Variants in EPHA5 observed in about 807,000 individuals in gnomAD.
EPHA5 encodes ephrin type-A receptor 5.
EPHA5 carries 60 observed loss-of-function variants against 105.0 expected under a neutral mutation model. The observed-to-expected ratio is 0.57, with a 90% CI of 0.46 to 0.71. EPHA5 has a LOEUF of 0.71. Among genes scored for constraint, EPHA5 ranks in the 30% least tolerant of loss-of-function variants. The pLI, the probability that EPHA5 is intolerant of heterozygous loss-of-function variation, is 0.00. For missense variants in EPHA5, 1,218 were observed against 1,274.7 expected (o/e 0.96, Z 0.68); for synonymous variants, 513 against 449.1 (o/e 1.14, Z -1.80).
intron 3 of EPHA5, among the ~76,000 whole-genome samples, chr4:65,594,082 A>G (rs903187052): frequency 7.2e-5 from 11 of 152,180 alleles, no homozygotes; most frequent in African/African-American, 2.4e-4. Flanking sequence ...GTATCTGAAT[A>G]ACAAGAAAAT....
chr4:65,422,740 C>A (rs1724055995), intron 5 of EPHA5, among the ~76,000 whole-genome samples: 1 of 151,994 alleles, frequency 6.6e-6, no homozygotes, highest in African/African-American at 2.4e-5. Context: ...ATCCTTTAGG[C>A]TACTACAGTT....
intron 1 of EPHA5, among the ~76,000 whole-genome samples, chr4:65,663,162 T>C (rs927423021): frequency 4.6e-5 from 7 of 152,156 alleles, no homozygotes; most frequent in Admixed American, 4.6e-4. Context: ...TAGGACTTTT[T>C]AAACTGGGAT....
At chr4:65,351,694 G>A (rs1722835024) in intron 12 of EPHA5, 96 bp from the exon 13 acceptor site, 5 of 1,077,938 alleles carry the variant, frequency 4.6e-6, no homozygotes, top group Non-Finnish European at 2.7e-6. Flanking sequence ...GATACTATCA[G>A]TCGCTAAAAT....
At chr4:65,335,628 C>T (rs1265298963) in intron 15 of EPHA5, among the ~76,000 whole-genome samples, 1 of 148,556 alleles carries the variant, frequency 6.7e-6, no homozygotes, top group African/African-American at 2.4e-5. Context: ...CACCTATCCT[C>T]CAAAATGCAT....
chr4:65,440,140 T>A (rs1442991480), intron 5 of EPHA5, among the ~76,000 whole-genome samples: 2 of 152,078 alleles, frequency 1.3e-5, no homozygotes, highest in Non-Finnish European at 2.9e-5. Flanking sequence ...TGCCTTTTAA[T>A]AATATATTTG....
intron 2 of EPHA5, among the ~76,000 whole-genome samples, chr4:65,629,919 C>A (rs1017131784): frequency 1.3e-5 from 2 of 152,042 alleles, no homozygotes; most frequent in Admixed American, 6.6e-5. Flanking sequence ...TATAGGAGGG[C>A]AAATTTGGAA....
rs1226462886 is a variant in EPHA5, at chr4:65,546,512, G to C, written c.911-50969C>G. 3.3e-5 allele frequency among the ~76,000 whole-genome samples: 5 copies of C among 151,760 alleles called. No homozygotes were observed. In the East Asian group the frequency reaches 9.7e-4, roughly 29 times the overall value. On this transcript the variant is annotated intron_variant, in intron 3 of 16. Coordinates refer to ENST00000613740, the MANE Select transcript of EPHA5 (RefSeq NM_001281766.3). ...ACAACCTATTTTTCTAATGGTTCTT[G>C]TTTTTTTCTCAAATAGTTTTCTCTG...
chr4:65,449,225 T>A lies in EPHA5; in HGVS notation c.1403-28660A>T, dbSNP rs561420758. 3.3e-5 allele frequency among the ~76,000 whole-genome samples: 5 copies of A among 152,228 alleles called. No homozygotes were observed. In the South Asian group the frequency reaches 1.0e-3, roughly 32 times the overall value. On this transcript the variant is annotated intron_variant, in intron 5 of 16. Transcript: ENST00000613740. ...ATAAACTCAAATGCCCAAAATTATA[T>A]GAAAAGTTTAAAACCGTTTTTCAGA...
intron 3 of EPHA5, among the ~76,000 whole-genome samples, chr4:65,557,843 T>C (rs999525142): frequency 1.3e-5 from 2 of 152,022 alleles, no homozygotes; most frequent in African/African-American, 2.4e-5. Flanking sequence ...ACATTAATGA[T>C]TGGTCACTGA....
At position 65,365,689 on chromosome 4, in the gene EPHA5, A is replaced by ATGTATATATATATATATT. The variant is rs765636669; in HGVS notation, c.1987+242_1987+243insAATATATATATATATACA. 1.6e-4 allele frequency among the ~76,000 whole-genome samples: 15 copies of ATGTATATATATATATATT among 93,814 alleles called. 1 individual carries two copies. The highest frequency in any genetic ancestry group is 3.2e-4 in the Non-Finnish European group (13 of 41,168). The allele number at this position is 93,814 out of a possible 152,430, so 61.5% of individuals were successfully genotyped here. On this transcript the variant is annotated intron_variant, in intron 10 of 16. Coordinates refer to ENST00000613740, the MANE Select transcript of EPHA5 (RefSeq NM_001281766.3). ...TATATATATATATATATATATATATAGTGAAACATTATCTATTTAAAATAT... is the reference window on the plus strand; with the variant it reads ...TATATATATATATATATATATATATATGTATATATATATATATTGTGAAACATTATCTATTTAAAATAT...
intron 11 of EPHA5, among the ~76,000 whole-genome samples, chr4:65,354,465 A>T (rs951654172): frequency 3.3e-5 from 5 of 151,774 alleles, no homozygotes; most frequent in African/African-American, 1.2e-4. Flanking sequence ...TTTAATAGAA[A>T]CATATGACAT....
intron 5 of EPHA5, among the ~76,000 whole-genome samples, chr4:65,458,609 T>G (rs1727837660): frequency 6.6e-6 from 1 of 152,140 alleles, no homozygotes; most frequent in African/African-American, 2.4e-5. Flanking sequence ...ACTTTTAACT[T>G]TATCTTAGAG....
chr4:65,607,200 A>T (rs1378384757), intron 2 of EPHA5, among the ~76,000 whole-genome samples: 1 of 152,096 alleles, frequency 6.6e-6, no homozygotes, highest in African/African-American at 2.4e-5. Flanking sequence ...AAAGATATAA[A>T]CCTAATACCT....
chr4:65,528,440 C>T (rs1052547771), intron 3 of EPHA5, among the ~76,000 whole-genome samples: 2 of 151,886 alleles, frequency 1.3e-5, no homozygotes, highest in Admixed American at 1.3e-4. Flanking sequence ...CTTCTTCCTC[C>T]GCCCTCCTCC....
chr4:65,650,161 G>T (rs1026692023), intron 1 of EPHA5, among the ~76,000 whole-genome samples: 3 of 151,998 alleles, frequency 2.0e-5, no homozygotes, highest in Non-Finnish European at 2.9e-5. Context: ...AATTCAGCCT[G>T]CCCCCAAATG....
At chr4:65,608,311 T>C (rs1231879937) in intron 2 of EPHA5, among the ~76,000 whole-genome samples, 1 of 152,046 alleles carries the variant, frequency 6.6e-6, no homozygotes, top group Non-Finnish European at 1.5e-5. Flanking sequence ...GAGACCATCC[T>C]GACTAACACG....
chr4:65,471,484 A>G (rs1420887552), intron 5 of EPHA5, among the ~76,000 whole-genome samples: 3 of 152,140 alleles, frequency 2.0e-5, no homozygotes, highest in Non-Finnish European at 4.4e-5. Flanking sequence ...GGTTTGTTGC[A>G]TGGGTATTGT....
intron 7 of EPHA5, among the ~76,000 whole-genome samples, chr4:65,409,340 T>TAAGAAAA (rs1174526483): frequency 4.9e-5 from 1 of 20,322 alleles, no homozygotes; most frequent in Non-Finnish European, 1.3e-4. Context: ...TAAGGTATAA[T>TAAGAAAA]AATAAAAAAT....
At chr4:65,400,677 G>GAATTTTA in intron 8 of EPHA5, among the ~76,000 whole-genome samples, 1 of 152,074 alleles carries the variant, frequency 6.6e-6, no homozygotes, top group East Asian at 1.9e-4. Flanking sequence ...GCATATTTTA[G>GAATTTTA]AATTTTAAAA....
Sources: gnomAD v4.1 joint callset for allele counts (sites outside exome capture counted in the v4.1 genomes callset) on GRCh38, gnomAD v4.1.1 for gene constraint, MANE v1.5 for transcripts, NCBI Gene and HGNC (gene_info 2026-07-23, HGNC 2026-07-21) for gene names.